The following ADAMTS6 variants were observed in gnomAD, a reference collection of about 807,000 sequenced individuals.
ADAMTS6 encodes the protein ADAM metallopeptidase with thrombospondin type 1 motif 6.
Under a neutral mutation model 144.3 loss-of-function variants are expected in ADAMTS6, and 23 were observed. The observed-to-expected ratio is 0.16, with a 90% CI of 0.11 to 0.23. The LOEUF is 0.23. ADAMTS6 is among the 10% of genes least tolerant of loss of function. ADAMTS6 has a pLI of 1.00. For synonymous variants in ADAMTS6, 444 were observed against 457.5 expected (o/e 0.97, Z 0.38); for missense variants, 999 against 1,379.6 (o/e 0.72, Z 4.37).
At chr5:65,306,727 T>G (rs913625663) in intron 9 of ADAMTS6, among the ~76,000 whole-genome samples, 1 of 152,212 alleles carries the variant, frequency 6.6e-6, no homozygotes, top group Non-Finnish European at 1.5e-5. Context: ...ATTTTCAGAT[T>G]TCTTAATTTG....
chr5:65,217,880 T>C lies in ADAMTS6; in HGVS notation c.2273-2393A>G, dbSNP rs562936431. On this transcript the variant is annotated intron_variant, in intron 18 of 24. Coordinates refer to ENST00000381055, the MANE Select transcript of ADAMTS6 (RefSeq NM_197941.4). ...AACTGGTATTAGAATTGCCCTCCCA[T>C]TGTAAATAATCAGAAAACTCATAAA... Among the ~76,000 whole-genome samples, 10 of 152,292 alleles carry C rather than the reference T, an allele frequency of 6.6e-5. No homozygotes were observed. In the South Asian group the frequency reaches 1.9e-3, roughly 28 times the overall value.
intron 7 of ADAMTS6, among the ~76,000 whole-genome samples, chr5:65,404,986 G>T (rs1221775500): frequency 6.6e-6 from 1 of 152,136 alleles, no homozygotes; most frequent in African/African-American, 2.4e-5. Context: ...ACTTTTTGAT[G>T]GGGTTGTTTG....
Position 65,151,587 on chromosome 5 carries a change from T to G in ADAMTS6, c.*249A>C. 2.3e-6 allele frequency: 1 copy of G among 425,822 alleles called. No homozygotes were observed. 26.4% of individuals were successfully genotyped at this position (425,822 alleles called of 1,614,324 possible). A position where few individuals can be genotyped will look rare whatever the true frequency, so the allele number is the denominator to read the frequency against. On this transcript the variant is annotated 3_prime_UTR_variant, in exon 25 of 25. Coordinates refer to ENST00000381055, the MANE Select transcript of ADAMTS6 (RefSeq NM_197941.4). The stretch of plus-strand genomic sequence containing the variant: ...ACGCTCCACAGTAAGCAAGTCTCCC[T>G]GTGTTGTTTGGATCTCTCCAATCTG...
chr5:65,334,475 T>C (rs1402932499), intron 7 of ADAMTS6, among the ~76,000 whole-genome samples: 1 of 152,214 alleles, frequency 6.6e-6, no homozygotes, highest in East Asian at 1.9e-4. Flanking sequence ...GAATAGGTTT[T>C]GTTACAGACA....
At chr5:65,341,508 A>G (rs1747822348) in intron 7 of ADAMTS6, among the ~76,000 whole-genome samples, 2 of 152,000 alleles carry the variant, frequency 1.3e-5, no homozygotes, top group Admixed American at 1.3e-4. Context: ...GAAATAAAAA[A>G]AAGTGATGCC....
In ADAMTS6 at chr5:65,188,110, T is replaced by C. The variant is rs1754783692; in HGVS notation, c.2816A>G (p.Asp939Gly). The C allele has an allele frequency of 6.2e-7, 1 of 1,614,136 alleles. No individual in the cohort carries two copies. Among genetic ancestry groups the C allele is most frequent in the South Asian group, 1.1e-5 (1 of 91,080 alleles). The stretch of plus-strand genomic sequence containing the variant: ...CCGGTGTGTTAAACAACCACTGTAG[T>C]CCAGCGTCTCCTCCTCAGAAGGTCC... ...KIGPSEEETL[D>G]YSGCLTHRPV... Residue 939 changes from aspartate (D) to glycine (G), a missense_variant, in exon 22 of 25, where the codon GAC becomes GGC. Transcript: ENST00000381055.
At chr5:65,272,566 G>A (rs892365493) in intron 12 of ADAMTS6, among the ~76,000 whole-genome samples, 1 of 152,006 alleles carries the variant, frequency 6.6e-6, no homozygotes, top group African/African-American at 2.4e-5. Context: ...TAATTTCTAT[G>A]TTCAATAAAT....
chr5:65,214,494 C>T lies in ADAMTS6; in HGVS notation c.2575+300G>A. The T allele has an allele frequency of 2.3e-6, 1 of 435,504 alleles. No individual in the cohort carries two copies. The highest frequency in any genetic ancestry group is 4.3e-6 in the Non-Finnish European group (1 of 234,988). The allele number at this position is 435,504 out of a possible 1,614,324, so 27.0% of individuals were successfully genotyped here. A position where few individuals can be genotyped will look rare whatever the true frequency, so the allele number is the denominator to read the frequency against. On this transcript the variant is annotated intron_variant, in intron 20 of 24. Transcript: ENST00000381055. This position sits in a 1 kb window ranked among gnomAD's most constrained non-coding sequence, Gnocchi z 4.6. ...TTTTAAAACTTTTGATGTTCTTTAC[C>T]AAGAATGTGTTCACGAAAGGCAAAC...
chr5:65,457,880 C>T (rs1017933736), intron 4 of ADAMTS6, among the ~76,000 whole-genome samples: 2 of 150,838 alleles, frequency 1.3e-5, no homozygotes, highest in East Asian at 2.0e-4. Flanking sequence ...GCGCGTGCCA[C>T]GACGCCTGGC....
intron 20 of ADAMTS6, among the ~76,000 whole-genome samples, chr5:65,197,819 ATTAAT>A (rs1406799584): frequency 6.6e-6 from 1 of 152,214 alleles, no homozygotes; most frequent in Non-Finnish European, 1.5e-5. Flanking sequence ...TCATTCAAAT[ATTAAT>A]TTATCTCATT....
chr5:65,263,735 T>A (rs1196354664), intron 12 of ADAMTS6, among the ~76,000 whole-genome samples: 1 of 152,192 alleles, frequency 6.6e-6, no homozygotes, highest in Non-Finnish European at 1.5e-5. Context: ...TTGCAGAATA[T>A]GGCAAAATGA....
intron 7 of ADAMTS6, among the ~76,000 whole-genome samples, chr5:65,397,370 G>T (rs1753431609): frequency 6.6e-6 from 1 of 151,400 alleles, no homozygotes; most frequent in Admixed American, 6.6e-5. Flanking sequence ...AGTTTAATTA[G>T]CCCTCCTTTA....
intron 20 of ADAMTS6, chr5:65,210,839 A>G (rs757254494): frequency 5.8e-5 from 23 of 399,792 alleles, no homozygotes; most frequent in Non-Finnish European, 1.0e-4. Context: ...GGGAAGATGT[A>G]TAAGAAAGCT....
chr5:65,151,992 C>A, intron 24 of ADAMTS6, 47 bp from the exon 25 acceptor site: 1 of 1,524,368 alleles, frequency 6.6e-7, no homozygotes. Flanking sequence ...GGCACATAAA[C>A]AAGTACATAA....
At chr5:65,206,073 G>A (rs1296643567) in intron 20 of ADAMTS6, among the ~76,000 whole-genome samples, 1 of 152,080 alleles carries the variant, frequency 6.6e-6, no homozygotes, top group Non-Finnish European at 1.5e-5. Flanking sequence ...GTAAAAGGAA[G>A]TTAGGTGACA....
intron 8 of ADAMTS6, among the ~76,000 whole-genome samples, chr5:65,332,177 T>A (rs913728284): frequency 6.6e-6 from 1 of 151,238 alleles, no homozygotes; most frequent in Non-Finnish European, 1.5e-5. Flanking sequence ...GTCTTACCAA[T>A]GTCATTAGGT....
intron 7 of ADAMTS6, among the ~76,000 whole-genome samples, chr5:65,431,936 C>T (rs762312675): frequency 3.0e-4 from 46 of 151,882 alleles, no homozygotes; most frequent in Non-Finnish European, 1.2e-4. Flanking sequence ...CTTAAAACCA[C>T]GAAAATGAAT....
At chr5:65,451,726 AGG>A in intron 6 of ADAMTS6, 106 bp from the exon 7 acceptor site, 2 of 1,363,368 alleles carry the variant, frequency 1.5e-6, no homozygotes, top group Non-Finnish European at 2.0e-6. Flanking sequence ...CAGTGTTTCT[AGG>A]AATAATCTCT....
intron 20 of ADAMTS6, among the ~76,000 whole-genome samples, chr5:65,197,516 T>A (rs1755464236): frequency 3.3e-5 from 5 of 152,230 alleles, no homozygotes. Flanking sequence ...AATATGCATT[T>A]CAATGCAAAA....
Sources: allele counts gnomAD v4.1 joint callset (sites outside exome capture counted in the v4.1 genomes callset), GRCh38; gene constraint gnomAD v4.1.1; non-coding constraint Gnocchi (gnomAD v3.1); transcripts MANE v1.5; gene names NCBI Gene and HGNC (gene_info 2026-07-23, HGNC 2026-07-21).